IQCJ: variants seen among roughly 807,000 people sequenced by gnomAD.
IQCJ encodes IQ domain-containing protein J.
A neutral mutation model predicts 11.0 loss-of-function variants in IQCJ; 9 were observed. The observed-to-expected ratio is 0.82, with a 90% CI of 0.49 to 1.43. IQCJ has a LOEUF of 1.43. IQCJ is among the 40% of genes most tolerant of loss of function. The probability of loss-of-function intolerance (pLI) is 0.00; values close to 1 mark genes in which losing one functional copy is unlikely to be tolerated. For synonymous variants in IQCJ, 55 were observed against 51.3 expected, an observed-to-expected ratio of 1.07 and a Z score of -0.31; for missense variants, 146 against 133.2, an observed-to-expected ratio of 1.10 and a Z score of -0.47.
chr3:159,258,981 A>G (rs1288254375), intron 3 of IQCJ, among the ~76,000 whole-genome samples: 2 of 151,974 alleles, frequency 1.3e-5, no homozygotes. Context: ...CTTCCTCTCC[A>G]TCAATCTCAA....
intron 1 of IQCJ, among the ~76,000 whole-genome samples, chr3:159,173,496 G>A (rs1174713719): frequency 6.6e-6 from 1 of 152,170 alleles, no homozygotes; most frequent in Non-Finnish European, 1.5e-5. Context: ...TCGCAGGATA[G>A]TTTTACGTTA....
intron 1 of IQCJ, among the ~76,000 whole-genome samples, chr3:159,081,099 T>G (rs1204068339): frequency 6.6e-6 from 1 of 152,100 alleles, no homozygotes; most frequent in Non-Finnish European, 1.5e-5. Flanking sequence ...AGTGATTTCA[T>G]CATGGACTCA....
intron 1 of IQCJ, among the ~76,000 whole-genome samples, chr3:159,072,573 A>G (rs1715647267): frequency 6.6e-6 from 1 of 152,130 alleles, no homozygotes. Flanking sequence ...GATTAAGTAA[A>G]CATTTCTCCT....
intron 1 of IQCJ, among the ~76,000 whole-genome samples, chr3:159,221,705 G>A: frequency 6.6e-6 from 1 of 151,816 alleles, no homozygotes; most frequent in Non-Finnish European, 1.5e-5. Context: ...AACCCCTTAA[G>A]CCTTACCAGT....
chr3:159,166,534 T>C (rs992254243), intron 1 of IQCJ, among the ~76,000 whole-genome samples: 1 of 152,234 alleles, frequency 6.6e-6, no homozygotes. Flanking sequence ...GTAATTAAAC[T>C]TTAACACTAG....
intron 3 of IQCJ, among the ~76,000 whole-genome samples, chr3:159,253,610 A>AACAC (rs5853857): frequency 0.017 from 2,608 of 149,746 alleles, 82 homozygotes; most frequent in African/African-American, 0.061. Context: ...CTCCCTCACA[A>AACAC]ACACACACAC....
intron 1 of IQCJ, among the ~76,000 whole-genome samples, chr3:159,103,449 CA>C (rs2108104168): frequency 6.6e-6 from 1 of 152,276 alleles, no homozygotes; most frequent in South Asian, 2.1e-4. Context: ...AAATTAAACA[CA>C]AAATGGAGTT....
chr3:159,251,069 G>A (rs192584216), intron 2 of IQCJ, among the ~76,000 whole-genome samples: 1 of 152,220 alleles, frequency 6.6e-6, no homozygotes, highest in African/African-American at 2.4e-5. Flanking sequence ...CAATGGCACA[G>A]AGTAAACAAG....
chr3:159,091,863 G>A (rs1297437304), intron 1 of IQCJ, among the ~76,000 whole-genome samples: 1 of 151,814 alleles, frequency 6.6e-6, no homozygotes, highest in Non-Finnish European at 1.5e-5. Context: ...AAGGAGGAAA[G>A]AGTGGTGCAG....
At chr3:159,248,152 T>C (rs1727382238) in intron 2 of IQCJ, among the ~76,000 whole-genome samples, 1 of 152,178 alleles carries the variant, frequency 6.6e-6, no homozygotes, top group Non-Finnish European at 1.5e-5. Context: ...ATGAGAATAG[T>C]AGTCTTGACT....
chr3:159,125,920 A>T (rs1013687336), intron 1 of IQCJ, among the ~76,000 whole-genome samples: 3 of 152,190 alleles, frequency 2.0e-5, no homozygotes, highest in Admixed American at 2.0e-4. Context: ...GTTGTAAGCA[A>T]TGGCAAATCA....
At chr3:159,131,211 G>A (rs1005782558) in intron 1 of IQCJ, among the ~76,000 whole-genome samples, 7 of 152,032 alleles carry the variant, frequency 4.6e-5, no homozygotes, top group African/African-American at 1.5e-4. Flanking sequence ...AACTACTTGG[G>A]GCTTCAGTTT....
chr3:159,105,195 A>T (rs1177074683), intron 1 of IQCJ, among the ~76,000 whole-genome samples: 2 of 152,186 alleles, frequency 1.3e-5, no homozygotes, highest in Non-Finnish European at 2.9e-5. Context: ...AGTCACATAT[A>T]TATAAGTTAT....
At chr3:159,237,416 T>C (rs757416639) in intron 1 of IQCJ, among the ~76,000 whole-genome samples, 2 of 152,190 alleles carry the variant, frequency 1.3e-5, no homozygotes, top group Non-Finnish European at 2.9e-5. Context: ...GACTGCGGGA[T>C]TGAGACAGGA....
chr3:159,095,068 C>T (rs1167609535), intron 1 of IQCJ, among the ~76,000 whole-genome samples: 5 of 151,828 alleles, frequency 3.3e-5, no homozygotes, highest in Admixed American at 3.3e-4. Flanking sequence ...CTGGTTGCCA[C>T]ATATTTTGAA....
intron 1 of IQCJ, among the ~76,000 whole-genome samples, chr3:159,101,464 T>A (rs1158559813): frequency 6.6e-6 from 1 of 152,134 alleles, no homozygotes; most frequent in Non-Finnish European, 1.5e-5. Context: ...TGAACACTGG[T>A]GGTTGGTCCT....
chr3:159,186,721 A>G (rs984065413), intron 1 of IQCJ, among the ~76,000 whole-genome samples: 7 of 152,216 alleles, frequency 4.6e-5, no homozygotes, highest in Non-Finnish European at 1.0e-4. Context: ...CTGAATTGCT[A>G]TTTTTAAAAA....
chr3:159,136,769 C>A (rs1044970923), intron 1 of IQCJ, among the ~76,000 whole-genome samples: 1 of 152,114 alleles, frequency 6.6e-6, no homozygotes, highest in South Asian at 2.1e-4. Context: ...ATACCATCAC[C>A]CTGGAAGCTA....
chr3:159,112,794 T>C (rs1336466082), intron 1 of IQCJ, among the ~76,000 whole-genome samples: 1 of 152,168 alleles, frequency 6.6e-6, no homozygotes, highest in African/African-American at 2.4e-5. Flanking sequence ...AATTTTAATG[T>C]AGCCCAGATT....
Sources: allele counts gnomAD v4.1 joint callset (sites outside exome capture counted in the v4.1 genomes callset), GRCh38; gene constraint gnomAD v4.1.1; transcripts MANE v1.5; gene names NCBI Gene and HGNC (gene_info 2026-07-23, HGNC 2026-07-21).